Variants in TDRD9 observed in about 807,000 individuals in gnomAD.
The protein encoded by TDRD9 is tudor domain containing 9, also known as ATP-dependent RNA helicase TDRD9.
In TDRD9, 124 loss-of-function variants were observed where a neutral mutation model predicts 172.6. That is an observed-to-expected ratio of 0.72 (90% CI 0.62 to 0.83). TDRD9 has a LOEUF of 0.83. TDRD9 is among the 40% of genes least tolerant of loss of function. TDRD9 has a pLI of 0.00. For synonymous variants in TDRD9, 619 were observed against 617.1 expected, an observed-to-expected ratio of 1.00 and a Z score of -0.05; for missense variants, 1,479 against 1,714.1, an observed-to-expected ratio of 0.86 and a Z score of 2.42.
At chr14:103,988,332 T>C (rs1421873868) in intron 8 of TDRD9, among the ~76,000 whole-genome samples, 1 of 152,070 alleles carries the variant, frequency 6.6e-6, no homozygotes, top group East Asian at 1.9e-4. Flanking sequence ...TGTCGCCATG[T>C]CCAGCTAATT....
intron 19 of TDRD9, among the ~76,000 whole-genome samples, chr14:104,008,068 C>T (rs759048403): frequency 6.6e-6 from 1 of 152,246 alleles, no homozygotes; most frequent in African/African-American, 2.4e-5. Context: ...CGTGAACCAC[C>T]GCGCCTGGCT....
At chr14:103,948,334 T>C (rs2031682360) in intron 1 of TDRD9, among the ~76,000 whole-genome samples, 2 of 152,084 alleles carry the variant, frequency 1.3e-5, no homozygotes, top group African/African-American at 4.8e-5. Flanking sequence ...TGATTCAAAA[T>C]TGGCAAAACA....
intron 12 of TDRD9, 50 bp from the exon 13 acceptor site, chr14:103,998,574 A>C: frequency 1.0e-6 from 1 of 973,676 alleles, no homozygotes; most frequent in East Asian, 2.4e-5. Flanking sequence ...TTTATTATGC[A>C]ATGATCTCTT....
chr14:103,941,541 TG>T (rs754903984), intron 1 of TDRD9: 1 of 1,535,452 alleles, frequency 6.5e-7, no homozygotes, highest in South Asian at 1.2e-5. Flanking sequence ...TTTCACTTTT[TG>T]TTCATTTTCG....
chr14:103,992,924 C>CA (rs35212615), intron 9 of TDRD9, among the ~76,000 whole-genome samples: 2,457 of 58,470 alleles, frequency 0.042, 203 homozygotes, highest in Admixed American at 0.13. Flanking sequence ...GACTCCATCT[C>CA]AAAAAAAAAA....
At chr14:104,049,413 A>G (rs991721411) in intron 34 of TDRD9, 195 bp from the exon 35 acceptor site, 6 of 431,176 alleles carry the variant, frequency 1.4e-5, no homozygotes, top group Non-Finnish European at 2.4e-5. Flanking sequence ...GTCACACTCC[A>G]TTTCTTTCTG....
intron 1 of TDRD9, among the ~76,000 whole-genome samples, chr14:103,932,269 G>T (rs950938962): frequency 4.6e-5 from 7 of 152,216 alleles, no homozygotes; most frequent in Non-Finnish European, 8.8e-5. Context: ...TGTGAACCCC[G>T]CACGGTGCCT....
In TDRD9 at chr14:104,034,455, A is replaced by G. The variant is rs557817879; in HGVS notation, c.3619+386A>G. Among the ~76,000 whole-genome samples, 47 of 152,228 alleles carry G rather than the reference A, an allele frequency of 3.1e-4. No homozygotes were observed. In the Middle Eastern group the frequency reaches 0.02, roughly 66 times the overall value. Reference sequence around the variant, plus strand: ...TCCACCCGCCTTGGCCTCCCAAAGTACTGGGATTACAGGCGTGAGCCACCG... The same window carrying G: ...TCCACCCGCCTTGGCCTCCCAAAGTGCTGGGATTACAGGCGTGAGCCACCG... On this transcript the variant is annotated intron_variant, in intron 31 of 35. Transcript: ENST00000409874.
Position 104,040,214 on chromosome 14 carries a change from G to A in TDRD9, c.3735G>A (p.Lys1245=), listed in dbSNP as rs774081073. ...VIELRIDQNG[K]YYTGVLCGLG... ...CATTTAGGATTGATCAGAATGGCAA[G>A]TACTATACTGGAGTCCTTTGTGGTT... is the stretch of plus-strand genomic sequence containing the variant. Residue 1245 remains lysine, a synonymous_variant, in exon 33 of 36, where the codon AAG becomes AAA. Transcript: ENST00000409874. 1.9e-6 allele frequency: 3 copies of A among 1,548,026 alleles called. No homozygotes were observed. Among genetic ancestry groups the A allele is most frequent in the Admixed American group, 2.0e-5 (1 of 50,626 alleles).
chr14:104,021,660 TG>T (rs2034958958), intron 23 of TDRD9, among the ~76,000 whole-genome samples: 1 of 152,102 alleles, frequency 6.6e-6, no homozygotes, highest in African/African-American at 2.4e-5. Context: ...ATCCCTGCAC[TG>T]GCGACAGAGC....
At chr14:103,941,163 C>G in intron 1 of TDRD9, 1 of 1,287,014 alleles carries the variant, frequency 7.8e-7, no homozygotes, top group South Asian at 1.4e-5. Context: ...ATCTCTTTAT[C>G]TCCAAAATAC....
intron 13 of TDRD9, among the ~76,000 whole-genome samples, chr14:104,003,383 A>C (rs1348516003): frequency 6.6e-6 from 1 of 152,170 alleles, no homozygotes; most frequent in Admixed American, 6.5e-5. Flanking sequence ...TTTTAATAGT[A>C]CCTTTGTTAA....
At chr14:104,027,651 G>A (rs1250370618) in intron 28 of TDRD9, among the ~76,000 whole-genome samples, 1 of 152,130 alleles carries the variant, frequency 6.6e-6, no homozygotes, top group Non-Finnish European at 1.5e-5. Context: ...TAATGATCAA[G>A]TGAGGGTAAT....
In TDRD9 at chr14:104,005,381, G is replaced by A; in HGVS notation, c.1689G>A (p.Glu563=). The change falls in exon 15 of 36, where the codon GAG becomes GAA. Residue 563 remains glutamate (E), a synonymous_variant. Transcript: ENST00000409874. The part of the protein sequence containing the change: ...ALSPPGLSDI[E]RTILLLKEVG... ...CCCCGCCTGGTCTGAGTGACATTGA[G>A]CGCACCATCCTTCTACTAAAGGAGG... 1 of 1,613,944 alleles carries A rather than the reference G, an allele frequency of 6.2e-7. No individual in the cohort carries two copies. The highest frequency in any genetic ancestry group is 8.5e-7 in the Non-Finnish European group (1 of 1,179,866).
At chr14:104,034,611 T>A (rs1282532732) in intron 31 of TDRD9, among the ~76,000 whole-genome samples, 1 of 152,244 alleles carries the variant, frequency 6.6e-6, no homozygotes, top group Non-Finnish European at 1.5e-5. Context: ...GACTCCTGGA[T>A]CTTTCATTCA....
rs1174503947 is a variant in TDRD9 at position 104,052,413 on chromosome 14, C to G, written c.*331C>G. The G allele has an allele frequency of 5.7e-6, 1 of 175,820 alleles. No homozygotes were observed. The highest frequency in any genetic ancestry group is 1.2e-5 in the Non-Finnish European group (1 of 82,008). The allele number at this position is 175,820 out of a possible 1,614,324, so 10.9% of individuals were successfully genotyped here. On this transcript the variant is annotated 3_prime_UTR_variant, in exon 36 of 36. Transcript: ENST00000409874. ...ATTAAGGTAAATATAAGTAGTTAAT[C>G]TTAGATGTAAGGTTCCAGAATGTGC... is the stretch of plus-strand genomic sequence containing the variant.
intron 35 of TDRD9, among the ~76,000 whole-genome samples, chr14:104,050,587 T>A (rs1270614942): frequency 6.6e-6 from 1 of 152,176 alleles, no homozygotes; most frequent in Non-Finnish European, 1.5e-5. Flanking sequence ...GGCTCTGCCT[T>A]GGAGGACTGT....
At chr14:103,962,801 G>A (rs2032566817) in intron 2 of TDRD9, among the ~76,000 whole-genome samples, 2 of 152,156 alleles carry the variant, frequency 1.3e-5, no homozygotes, top group African/African-American at 4.8e-5. Context: ...TTGCTGCAAA[G>A]GACATGATTT....
At chr14:103,986,427 C>CTT in intron 8 of TDRD9, 107 bp downstream of exon 8, 1 of 757,930 alleles carries the variant, frequency 1.3e-6, no homozygotes, top group South Asian at 1.9e-5. Flanking sequence ...ACTATAGGTA[C>CTT]TTTTTTAGTA....
Sources: allele counts gnomAD v4.1 joint callset (sites outside exome capture counted in the v4.1 genomes callset), GRCh38; gene constraint gnomAD v4.1.1; transcripts MANE v1.5; gene names NCBI Gene and HGNC (gene_info 2026-07-23, HGNC 2026-07-21).